Variants in RB1 observed in about 807,000 individuals in gnomAD.
RB1 encodes the protein RB transcriptional corepressor 1.
RB1 carries 18 observed loss-of-function variants against 135.4 expected under a neutral mutation model. That is an observed-to-expected ratio of 0.13 (90% CI 0.09 to 0.20). The LOEUF is 0.20. Among genes scored for constraint, RB1 ranks in the 10% least tolerant of loss-of-function variants. The pLI, the probability that RB1 is intolerant of heterozygous loss-of-function variation, is 1.00. For synonymous variants in RB1, 365 were observed against 373.2 expected, an observed-to-expected ratio of 0.98 and a Z score of 0.25; for missense variants, 868 against 1,110.0, an observed-to-expected ratio of 0.78 and a Z score of 3.10.
At chr13:48,473,527 T>C in intron 24 of RB1, 137 bp downstream of exon 24, 3 of 690,866 alleles carry the variant, frequency 4.3e-6, no homozygotes, top group Non-Finnish European at 7.3e-6. Flanking sequence ...TTTTATGAGA[T>C]ATATATATCT....
intron 2 of RB1, among the ~76,000 whole-genome samples, chr13:48,321,278 G>C (rs1952236590): frequency 6.6e-6 from 1 of 151,004 alleles, no homozygotes. Flanking sequence ...ACATATAAAT[G>C]AGGCAATAAT....
chr13:48,365,015 T>C, intron 9 of RB1, 44 bp downstream of exon 9: 3 of 1,528,208 alleles, frequency 2.0e-6, no homozygotes, highest in Non-Finnish European at 2.6e-6. Flanking sequence ...GTTTTGAGAC[T>C]GTGGAGGGAG....
chr13:48,358,769 G>A (rs1952613612), intron 6 of RB1, among the ~76,000 whole-genome samples: 1 of 151,978 alleles, frequency 6.6e-6, no homozygotes, highest in Non-Finnish European at 1.5e-5. Context: ...AGTTAGTCTC[G>A]CTCAGTCAGT....
chr13:48,357,984 A>G (rs1952607592), intron 6 of RB1, among the ~76,000 whole-genome samples: 1 of 152,116 alleles, frequency 6.6e-6, no homozygotes, highest in Non-Finnish European at 1.5e-5. Context: ...ACTTAACTAC[A>G]TTTGCGATAA....
At chr13:48,364,378 C>T (rs965504059) in intron 8 of RB1, among the ~76,000 whole-genome samples, 2 of 151,998 alleles carry the variant, frequency 1.3e-5, no homozygotes, top group Non-Finnish European at 2.9e-5. Flanking sequence ...TTCAGGCGGA[C>T]GATTTTTGTT....
chr13:48,322,671 A>T (rs373335409), intron 2 of RB1, among the ~76,000 whole-genome samples: 17 of 152,162 alleles, frequency 1.1e-4, no homozygotes, highest in Non-Finnish European at 1.9e-4. Context: ...GTTTTTGTAG[A>T]TGCCTTTCAT....
At chr13:48,359,407 T>G (rs1432339002) in intron 6 of RB1, among the ~76,000 whole-genome samples, 1 of 150,258 alleles carries the variant, frequency 6.7e-6, no homozygotes, top group East Asian at 1.9e-4. Flanking sequence ...GGTTTAGATA[T>G]AAATAATTGG....
intron 6 of RB1, among the ~76,000 whole-genome samples, chr13:48,353,864 A>G (rs2138100018): frequency 6.6e-6 from 1 of 152,300 alleles, no homozygotes; most frequent in South Asian, 2.1e-4. Flanking sequence ...ATTGATGCTG[A>G]AAAAGCATTT....
At chr13:48,364,867 A>C (rs1464881472) in intron 8 of RB1, 27 bp from the exon 9 acceptor site, 2 of 1,545,334 alleles carry the variant, frequency 1.3e-6, no homozygotes, top group Non-Finnish European at 1.8e-6. Context: ...AATTTTAATG[A>C]TCATGTTGTA....
chr13:48,466,672 A>G (rs1330232189), intron 23 of RB1, among the ~76,000 whole-genome samples: 1 of 132,440 alleles, frequency 7.6e-6, no homozygotes, highest in Non-Finnish European at 1.6e-5. Context: ...AAAATTTAGA[A>G]GAATATATAA....
chr13:48,344,070 C>T (rs1009814718), intron 3 of RB1, among the ~76,000 whole-genome samples: 1 of 152,024 alleles, frequency 6.6e-6, no homozygotes, highest in African/African-American at 2.4e-5. Flanking sequence ...TGGTATAATT[C>T]CTTATACAAA....
At chr13:48,305,938 A>T (rs567177893) in intron 1 of RB1, among the ~76,000 whole-genome samples, 5 of 152,192 alleles carry the variant, frequency 3.3e-5, no homozygotes, top group African/African-American at 1.2e-4. Flanking sequence ...GTCACTAGGA[A>T]CAGCATACCA....
Position 48,368,503 on chromosome 13 carries a change from A to G in RB1, c.1050-24A>G, listed in dbSNP as rs376203483. 4 of 1,612,374 alleles carry G rather than the reference A, an allele frequency of 2.5e-6. No individual in the cohort carries two copies. In the African/African-American group the frequency reaches 4.0e-5, roughly 16 times the overall value. ...CAAATTGTAAATTTTCAGTATGTGAATGACTTCACTTATTGTTATTTAGTT... is the reference window on the plus strand; with the variant it reads ...CAAATTGTAAATTTTCAGTATGTGAGTGACTTCACTTATTGTTATTTAGTT... On this transcript the variant is annotated intron_variant, in intron 10 of 26. Transcript: ENST00000267163.
chr13:48,432,781 T>C (rs1276016898), intron 17 of RB1, among the ~76,000 whole-genome samples: 1 of 152,122 alleles, frequency 6.6e-6, no homozygotes, highest in African/African-American at 2.4e-5. Context: ...GGAATAAAAT[T>C]TTAATTTATA....
At chr13:48,464,210 T>A (rs1949422727) in intron 21 of RB1, among the ~76,000 whole-genome samples, 1 of 152,210 alleles carries the variant, frequency 6.6e-6, no homozygotes, top group Non-Finnish European at 1.5e-5. Flanking sequence ...ATAATACAAA[T>A]GTTCAGTATA....
chr13:48,332,326 T>C (rs1328288689), intron 2 of RB1, among the ~76,000 whole-genome samples: 1 of 152,168 alleles, frequency 6.6e-6, no homozygotes, highest in Non-Finnish European at 1.5e-5. Flanking sequence ...CCCAGCACGT[T>C]TGGAGACCAA....
At chr13:48,333,075 A>G in intron 2 of RB1, 1 of 398,408 alleles carries the variant, frequency 2.5e-6, no homozygotes, top group Non-Finnish European at 4.4e-6. Context: ...AACTGTGGAA[A>G]GTGAAACCGT....
rs548716350 is a variant in RB1, at chr13:48,435,983, A to G, written c.1696-17010A>G. Among the ~76,000 whole-genome samples the G allele has an allele frequency of 3.3e-5, 5 of 152,366 alleles. No homozygotes were observed. In the East Asian group the frequency reaches 9.6e-4, roughly 29 times the overall value. ...AGATTATCAGAGTGGATGAAAAACA[A>G]AACCCAACTCTATGCTATCTAAAAG... is the stretch of plus-strand genomic sequence containing the variant. On this transcript the variant is annotated intron_variant, in intron 17 of 26. Coordinates refer to ENST00000267163, the MANE Select transcript of RB1 (RefSeq NM_000321.3).
intron 2 of RB1, chr13:48,317,894 C>G (rs112367681): frequency 2.5e-6 from 1 of 402,756 alleles, no homozygotes; most frequent in Non-Finnish European, 4.7e-6. Context: ...CCCCATTTCC[C>G]GAGAGCAGCA....
Sources: gnomAD v4.1 joint callset for allele counts (sites outside exome capture counted in the v4.1 genomes callset) on GRCh38, gnomAD v4.1.1 for gene constraint, MANE v1.5 for transcripts, NCBI Gene and HGNC (gene_info 2026-07-23, HGNC 2026-07-21) for gene names.